FGF14: variants seen among roughly 807,000 people sequenced by gnomAD.
The protein encoded by FGF14 is fibroblast growth factor 14, also known as fibroblast growth factor homologous factor 4.
FGF14 carries 5 observed loss-of-function variants against 25.5 expected under a neutral mutation model. That is an observed-to-expected ratio of 0.20 (90% confidence interval 0.10 to 0.41). The LOEUF is 0.41. Among genes scored for constraint, FGF14 ranks in the 10% least tolerant of loss-of-function variants. The pLI is 1.00. For synonymous variants in FGF14, 138 were observed against 118.3 expected (o/e 1.17, Z -1.08); for missense variants, 222 against 320.1 (o/e 0.69, Z 2.34).
intron 1 of FGF14, among the ~76,000 whole-genome samples, chr13:102,206,167 G>T (rs1287054376): frequency 6.6e-6 from 1 of 150,830 alleles, no homozygotes; most frequent in African/African-American, 2.4e-5. Flanking sequence ...CATGCTATTT[G>T]TTTTTTCAGA....
intron 1 of FGF14, among the ~76,000 whole-genome samples, chr13:102,222,016 T>A (rs562271669): frequency 6.6e-6 from 1 of 152,312 alleles, no homozygotes; most frequent in African/African-American, 2.4e-5. Flanking sequence ...CAACAATACT[T>A]TTTGATTCTC....
At chr13:101,902,791 A>G (rs1282677890) in intron 1 of FGF14, among the ~76,000 whole-genome samples, 6 of 152,180 alleles carry the variant, frequency 3.9e-5, no homozygotes. Context: ...CTGAAATTTC[A>G]CTGGCTGACT....
chr13:102,111,558 A>T (rs1228268546), intron 1 of FGF14, among the ~76,000 whole-genome samples: 2 of 152,112 alleles, frequency 1.3e-5, no homozygotes, highest in Non-Finnish European at 2.9e-5. Flanking sequence ...CTACAAAAAA[A>T]TACAAAAATT....
intron 1 of FGF14, among the ~76,000 whole-genome samples, chr13:102,212,250 T>C (rs2050191881): frequency 6.6e-6 from 1 of 152,224 alleles, no homozygotes. Flanking sequence ...GACATGTTTT[T>C]TTAAAGAACT....
chr13:102,365,905 A>G (rs185334908), intron 1 of FGF14, among the ~76,000 whole-genome samples: 1 of 152,304 alleles, frequency 6.6e-6, no homozygotes, highest in East Asian at 1.9e-4. Context: ...TATTTCTATG[A>G]GACAGCCATA....
chr13:101,800,727 C>T (rs956226043), intron 3 of FGF14, among the ~76,000 whole-genome samples: 6 of 152,270 alleles, frequency 3.9e-5, no homozygotes, highest in Non-Finnish European at 5.9e-5. Flanking sequence ...CTCAGCTTTA[C>T]GGAGAACATT....
rs1220760978 is a variant in FGF14 at position 102,326,688 on chromosome 13, GGGAAGGGAAGGAAGGAA to G, written c.208+74766_208+74782del. ...GGGAGGGGAAGGGAAGGGAAGGGAA[GGGAAGGGAAGGAAGGAA>G]GGAAGGAAGGAAGGAAGGAAGGAAG... is the stretch of plus-strand genomic sequence containing the variant. On this transcript the variant is annotated intron_variant, in intron 1 of 4. Coordinates refer to the FGF14 transcript ENST00000376131. Among the ~76,000 whole-genome samples, 567 of 58,216 alleles carry G rather than the reference GGGAAGGGAAGGAAGGAA, an allele frequency of 9.7e-3. 6 individuals carry two copies. Among genetic ancestry groups the G allele is most frequent in the Middle Eastern group, 0.018 (2 of 114 alleles). 38.2% of individuals were successfully genotyped at this position (58,216 alleles called of 152,430 possible). A position where few individuals can be genotyped will look rare whatever the true frequency, so the allele number is the denominator to read the frequency against.
chr13:102,139,138 A>T (rs1347060305), intron 1 of FGF14, among the ~76,000 whole-genome samples: 1 of 152,182 alleles, frequency 6.6e-6, no homozygotes, highest in Non-Finnish European at 1.5e-5. Context: ...AATCCCTGTG[A>T]TCAACAGATC....
At chr13:101,881,818 G>A (rs929766506) in intron 1 of FGF14, among the ~76,000 whole-genome samples, 1 of 152,134 alleles carries the variant, frequency 6.6e-6, no homozygotes, top group African/African-American at 2.4e-5. Flanking sequence ...ATGTGGGTGT[G>A]TTACTCATCT....
rs74121042 is a variant in FGF14 at position 101,821,843 on chromosome 13, T to C, written c.408+46882A>G. Among the ~76,000 whole-genome samples, 841 of 152,282 alleles carry C rather than the reference T, an allele frequency of 5.5e-3. 8 individuals are homozygous for C. Among genetic ancestry groups the C allele is most frequent in the African/African-American group, 0.019 (809 of 41,552 alleles). ...TGTATCTTCTTTTGTGAAGTGCTGT[T>C]TCAATTTATTTGCCCATTTTTAAGT... On this transcript the variant is annotated intron_variant, in intron 3 of 4. Transcript: ENST00000376143.
At chr13:102,349,864 C>T (rs1363393960) in intron 1 of FGF14, among the ~76,000 whole-genome samples, 2 of 152,158 alleles carry the variant, frequency 1.3e-5, no homozygotes, top group African/African-American at 4.8e-5. Context: ...ATATTACTTT[C>T]ACTAATCAGT....
intron 1 of FGF14, among the ~76,000 whole-genome samples, chr13:101,885,509 A>T (rs1427809989): frequency 6.6e-6 from 1 of 152,166 alleles, no homozygotes; most frequent in Admixed American, 6.5e-5. Flanking sequence ...TTTCTAAAAA[A>T]AGAAAATGCT....
chr13:102,032,600 G>A (rs1013342822), intron 1 of FGF14, among the ~76,000 whole-genome samples: 1 of 152,108 alleles, frequency 6.6e-6, no homozygotes, highest in African/African-American at 2.4e-5. Flanking sequence ...TATTTGGTTT[G>A]TGTCCTTTAA....
chr13:102,260,727 T>A (rs1468146769), intron 1 of FGF14, among the ~76,000 whole-genome samples: 3 of 152,248 alleles, frequency 2.0e-5, no homozygotes, highest in African/African-American at 7.2e-5. Context: ...AGTGTGCCTT[T>A]AGAACCTTCA....
intron 1 of FGF14, among the ~76,000 whole-genome samples, chr13:102,031,536 C>T (rs1243288833): frequency 2.0e-5 from 3 of 152,036 alleles, no homozygotes; most frequent in Non-Finnish European, 4.4e-5. Flanking sequence ...AAATTTGAAA[C>T]ATTCCACTCT....
At chr13:102,104,296 C>A (rs1215593304) in intron 1 of FGF14, among the ~76,000 whole-genome samples, 2 of 152,168 alleles carry the variant, frequency 1.3e-5, no homozygotes. Context: ...CCATTCATTT[C>A]TGACAATATC....
In FGF14 at chr13:101,711,013, A is replaced by G. The variant is rs1208015482; in HGVS notation, c.*11818T>C. On this transcript the variant is annotated 3_prime_UTR_variant, in exon 5 of 5. Transcript: ENST00000376143. ...AAGAAAGTCCAACATTAGTAATGGA[A>G]TGGGCAACTGACAAAGGTGCCTTGC... The G allele has an allele frequency of 6.6e-6, 1 of 152,238 alleles. No individual in the cohort carries two copies. Among genetic ancestry groups the G allele is most frequent in the African/African-American group, 2.4e-5 (1 of 41,468 alleles). 9.4% of individuals were successfully genotyped at this position (152,238 alleles called of 1,614,324 possible).
chr13:102,371,180 A>G (rs1393982397), intron 1 of FGF14, among the ~76,000 whole-genome samples: 1 of 152,266 alleles, frequency 6.6e-6, no homozygotes, highest in East Asian at 1.9e-4. Context: ...CCTGTTGACT[A>G]TACAATAAAA....
chr13:101,726,497 T>C lies in FGF14; in HGVS notation c.607+115A>G, dbSNP rs1391963953. On this transcript the variant is annotated intron_variant, in intron 4 of 4. Coordinates refer to ENST00000376143, the MANE Select transcript of FGF14 (RefSeq NM_004115.4). ...TGTGCAACCATCACCTAGATCAAAA[T>C]AAATGACATTTCCAGCACTTTGTGA... The C allele has an allele frequency of 7.9e-6, 8 of 1,009,024 alleles. No individual in the cohort carries two copies. The East Asian group carries it at 1.8e-4, about 23-fold the overall frequency. 62.5% of individuals were successfully genotyped at this position (1,009,024 alleles called of 1,614,324 possible). A position where few individuals can be genotyped will look rare whatever the true frequency, so the allele number is the denominator to read the frequency against.
Sources: gnomAD v4.1 joint callset for allele counts (sites outside exome capture counted in the v4.1 genomes callset) on GRCh38, gnomAD v4.1.1 for gene constraint, MANE v1.5 for transcripts, NCBI Gene and HGNC (gene_info 2026-07-23, HGNC 2026-07-21) for gene names.